The following SGK1 variants were observed in gnomAD, a reference collection of about 807,000 sequenced individuals.
SGK1 encodes the protein serine/threonine-protein kinase Sgk1.
A neutral mutation model predicts 64.2 loss-of-function variants in SGK1; 26 were observed. The observed-to-expected ratio is 0.40, with a 90% CI of 0.30 to 0.56. The LOEUF (loss-of-function observed/expected upper bound fraction) is 0.56. SGK1 is among the 20% of genes least tolerant of loss of function. The pLI, the probability that SGK1 is intolerant of heterozygous loss-of-function variation, is 0.38. For missense variants in SGK1, 519 were observed against 645.6 expected (o/e 0.80, Z 2.12); for synonymous variants, 265 against 239.7 (o/e 1.11, Z -0.98).
chr6:134,257,271 C>CG, intron 2 of SGK1: 1 of 152,356 alleles, frequency 6.6e-6, no homozygotes, highest in East Asian at 1.9e-4. Flanking sequence ...GGCATGGTGG[C>CG]GCATGCCTGT....
chr6:134,278,702 G>A (rs559649459), intron 1 of SGK1, among the ~76,000 whole-genome samples: 2 of 152,096 alleles, frequency 1.3e-5, no homozygotes, highest in Non-Finnish European at 1.5e-5. Flanking sequence ...CTAACAAAAA[G>A]ATATCTATGA....
Position 134,303,495 on chromosome 6 carries a change from TTGTC to T in SGK1, c.69+13893_69+13896del, listed in dbSNP as rs1777489782. Among the ~76,000 whole-genome samples the T allele has an allele frequency of 2.6e-5, 4 of 152,206 alleles. No homozygotes were observed. In the South Asian group the frequency reaches 8.3e-4, roughly 32 times the overall value. On this transcript the variant is annotated intron_variant, in intron 1 of 13. Transcript: ENST00000367858. Reference sequence around the variant, plus strand: ...AATTTAGTTAAGAGGCCAACACTGTTTGTCTGATCTCGTATTAGGAGTCCTTAAT... The same window carrying T: ...AATTTAGTTAAGAGGCCAACACTGTTTGATCTCGTATTAGGAGTCCTTAAT...
At chr6:134,218,388 C>G (rs1295652244) in intron 2 of SGK1, among the ~76,000 whole-genome samples, 1 of 151,816 alleles carries the variant, frequency 6.6e-6, no homozygotes, top group Non-Finnish European at 1.5e-5. Flanking sequence ...TGTGAACAGA[C>G]AGACAGATCT....
At chr6:134,258,425 C>T (rs538315493) in intron 2 of SGK1, among the ~76,000 whole-genome samples, 40 of 152,296 alleles carry the variant, frequency 2.6e-4, no homozygotes, top group African/African-American at 9.1e-4. Context: ...AAAAAACCCA[C>T]CTGGCATGGT....
intron 1 of SGK1, among the ~76,000 whole-genome samples, chr6:134,279,835 G>C (rs1777067963): frequency 6.6e-6 from 1 of 152,148 alleles, no homozygotes; most frequent in Non-Finnish European, 1.5e-5. Flanking sequence ...TGTGCAGTAA[G>C]CACTATATTA....
intron 1 of SGK1, among the ~76,000 whole-genome samples, chr6:134,270,767 C>G (rs1776926993): frequency 6.8e-6 from 1 of 147,936 alleles, no homozygotes; most frequent in Non-Finnish European, 1.5e-5. Flanking sequence ...GCAATGCGTC[C>G]ATGTACCCTA....
At chr6:134,300,537 CAA>C (rs112943044) in intron 1 of SGK1, among the ~76,000 whole-genome samples, 21,314 of 85,822 alleles carry the variant, frequency 0.25, 2,297 homozygotes, top group East Asian at 0.62. Flanking sequence ...GACTCTGTCT[CAA>C]AAAAAAAAAA....
chr6:134,275,630 C>T (rs985794833), intron 1 of SGK1, among the ~76,000 whole-genome samples: 1 of 152,208 alleles, frequency 6.6e-6, no homozygotes, highest in Non-Finnish European at 1.5e-5. Context: ...TCATGAACCA[C>T]TAATGGGTGC....
chr6:134,199,567 A>G (rs539867418), intron 3 of SGK1, among the ~76,000 whole-genome samples: 1 of 151,258 alleles, frequency 6.6e-6, no homozygotes, highest in East Asian at 1.9e-4. Context: ...TCAAAAAAAA[A>G]AAAAAAAAAA....
At chr6:134,232,459 GAAAGAAAGAAAGAA>G (rs1776301976) in intron 2 of SGK1, among the ~76,000 whole-genome samples, 3 of 43,262 alleles carry the variant, frequency 6.9e-5, no homozygotes, top group South Asian at 2.0e-3. Context: ...AAGAAAGAAA[GAAAGAAAGAAAGAA>G]AGAAAGAAAG....
At position 134,177,614 on chromosome 6, in the gene SGK1, C is replaced by T. The variant is rs771947266; in HGVS notation, c.362-3028G>A. On this transcript the variant is annotated intron_variant, in intron 3 of 13. Coordinates refer to ENST00000367858, the MANE Select transcript of SGK1 (RefSeq NM_001143676.3). The stretch of plus-strand genomic sequence containing the variant: ...TATGTGCCTTCCCCATGCCAAGTAA[C>T]CCCAAATCCTTTGAGGCATCTGCAA... 24 of 1,498,146 alleles carry T rather than the reference C, an allele frequency of 1.6e-5. No homozygotes were observed. The Admixed American group carries it at 4.0e-4, about 25-fold the overall frequency. 92.8% of individuals were successfully genotyped at this position (1,498,146 alleles called of 1,614,324 possible).
At chr6:134,248,542 C>T (rs1341543094) in intron 2 of SGK1, among the ~76,000 whole-genome samples, 3 of 149,874 alleles carry the variant, frequency 2.0e-5, no homozygotes, top group Non-Finnish European at 4.4e-5. Context: ...ACCTGGGCCT[C>T]CTGGGTTCAA....
At chr6:134,246,489 G>A (rs995272009) in intron 2 of SGK1, among the ~76,000 whole-genome samples, 2 of 152,088 alleles carry the variant, frequency 1.3e-5, no homozygotes, top group Admixed American at 1.3e-4. Flanking sequence ...TGGGAAAAAA[G>A]GGTGAAGATG....
intron 2 of SGK1, among the ~76,000 whole-genome samples, chr6:134,210,582 T>G (rs1775871817): frequency 6.6e-6 from 1 of 152,018 alleles, no homozygotes; most frequent in African/African-American, 2.4e-5. Context: ...TCCCAGCACT[T>G]TGGGAGGCCG....
chr6:134,178,366 A>T (rs1170202886), intron 3 of SGK1, among the ~76,000 whole-genome samples: 2 of 152,104 alleles, frequency 1.3e-5, no homozygotes, highest in Non-Finnish European at 2.9e-5. Flanking sequence ...TGTCCCAGCA[A>T]CCTACTAAGA....
chr6:134,312,975 G>A (rs997420930), intron 1 of SGK1, among the ~76,000 whole-genome samples: 1 of 152,040 alleles, frequency 6.6e-6, no homozygotes, highest in African/African-American at 2.4e-5. Context: ...GTTTCACCAC[G>A]TTGGCCAGGT....
At chr6:134,215,108 T>C in intron 2 of SGK1, 1 of 447,550 alleles carries the variant, frequency 2.2e-6, no homozygotes, top group Non-Finnish European at 4.4e-6. Flanking sequence ...AAAATAAACA[T>C]GAGAGTAAGT....
At chr6:134,218,784 A>G (rs1776030695) in intron 2 of SGK1, 1 of 152,196 alleles carries the variant, frequency 6.6e-6, no homozygotes, top group Admixed American at 6.5e-5. Flanking sequence ...TATGGAGGCA[A>G]TAAGTACGGA....
chr6:134,215,638 T>C (rs1437680189), intron 2 of SGK1, among the ~76,000 whole-genome samples: 1 of 151,882 alleles, frequency 6.6e-6, no homozygotes, highest in Non-Finnish European at 1.5e-5. Flanking sequence ...CCCAGCACTG[T>C]GGGAGGCCGA....
Sources: gnomAD v4.1 joint callset for allele counts (sites outside exome capture counted in the v4.1 genomes callset) on GRCh38, gnomAD v4.1.1 for gene constraint, MANE v1.5 for transcripts, NCBI Gene and HGNC (gene_info 2026-07-23, HGNC 2026-07-21) for gene names.